The following RBPJ variants were observed in gnomAD, a reference collection of about 807,000 sequenced individuals.
RBPJ encodes recombination signal binding protein for immunoglobulin kappa J region, also known as recombining binding protein suppressor of hairless.
Under a neutral mutation model 67.8 loss-of-function variants are expected in RBPJ, and 9 were observed. That is an observed-to-expected ratio of 0.13 (90% CI 0.08 to 0.23). RBPJ has a LOEUF of 0.23. Ranked by LOEUF, RBPJ falls within the 10% of genes least tolerant of loss-of-function variation. The pLI, the probability that RBPJ is intolerant of heterozygous loss-of-function variation, is 1.00. For synonymous variants in RBPJ, 198 were observed against 203.3 expected, an observed-to-expected ratio of 0.97 and a Z score of 0.22; for missense variants, 305 against 595.6, an observed-to-expected ratio of 0.51 and a Z score of 5.08.
intron 1 of RBPJ, among the ~76,000 whole-genome samples, chr4:26,308,148 C>T (rs1219515731): frequency 2.6e-5 from 4 of 152,046 alleles, no homozygotes; most frequent in Non-Finnish European, 5.9e-5. Context: ...TGGTGGCGGG[C>T]GCCTGTAGTC....
chr4:26,391,985 T>G (rs1292212837), intron 2 of RBPJ, among the ~76,000 whole-genome samples: 2 of 152,240 alleles, frequency 1.3e-5, no homozygotes. Flanking sequence ...CTTCTTTATG[T>G]GTCCTCACAT....
chr4:26,185,316 T>G (rs1342996043), intron 1 of RBPJ, among the ~76,000 whole-genome samples: 1 of 152,076 alleles, frequency 6.6e-6, no homozygotes, highest in Admixed American at 6.6e-5. Context: ...CCTCTGCCTG[T>G]GTCAAATGGC....
chr4:26,320,629 C>G, upstream of RBPJ: 1 of 1,159,062 alleles, frequency 8.6e-7, no homozygotes, highest in Non-Finnish European at 1.2e-6. Context: ...CCCCTCCTCC[C>G]TTCTCCTCGG....
chr4:26,388,987 T>G (rs188095931), intron 2 of RBPJ, among the ~76,000 whole-genome samples: 1 of 152,072 alleles, frequency 6.6e-6, no homozygotes, highest in South Asian at 2.1e-4. Context: ...TTTGGGAAGC[T>G]GAGGCGGGCA....
intron 2 of RBPJ, among the ~76,000 whole-genome samples, chr4:26,388,203 C>T (rs1365375887): frequency 6.6e-6 from 1 of 151,968 alleles, no homozygotes; most frequent in African/African-American, 2.4e-5. Context: ...CACTATGTTG[C>T]CCAGGCTCAT....
intron 2 of RBPJ, among the ~76,000 whole-genome samples, chr4:26,397,928 C>T (rs901902699): frequency 1.4e-4 from 21 of 152,142 alleles, no homozygotes; most frequent in Non-Finnish European, 2.5e-4. Context: ...CCACCTTGCC[C>T]GGCATTGTAA....
chr4:26,296,495 G>A (rs964011300), intron 1 of RBPJ, among the ~76,000 whole-genome samples: 6 of 152,074 alleles, frequency 3.9e-5, no homozygotes, highest in African/African-American at 7.2e-5. Context: ...ACAATACTTA[G>A]GGCATTTATT....
chr4:26,210,662 TTTTC>T lies in RBPJ; in HGVS notation c.-167+47069_-167+47072del, dbSNP rs1049575904. Among the ~76,000 whole-genome samples, 17 of 30,056 alleles carry T rather than the reference TTTTC, an allele frequency of 5.7e-4. 1 individual carries two copies. In the South Asian group the frequency reaches 0.013, roughly 22 times the overall value. The allele number at this position is 30,056 out of a possible 152,430, so 19.7% of individuals were successfully genotyped here. A position where few individuals can be genotyped will look rare whatever the true frequency, so the allele number is the denominator to read the frequency against. The stretch of plus-strand genomic sequence containing the variant: ...AACCCTTAAGCCAGCTTTCTTTCTT[TTTTC>T]TTTCTTTCTTTCTTTCTTTCCTTTC... On this transcript the variant is annotated intron_variant, in intron 1 of 4. Transcript: ENST00000512351.
At chr4:26,392,216 C>T (rs1731580329) in intron 2 of RBPJ, among the ~76,000 whole-genome samples, 1 of 152,192 alleles carries the variant, frequency 6.6e-6, no homozygotes, top group Non-Finnish European at 1.5e-5. Flanking sequence ...CATACACTGG[C>T]AGTGGGTATA....
chr4:26,146,026 T>C, the RBPJ span, among the ~76,000 whole-genome samples: 1 of 152,202 alleles, frequency 6.6e-6, no homozygotes, highest in South Asian at 2.1e-4. Context: ...AGCCTTGACC[T>C]TCTGGGCTCA....
chr4:26,277,114 TAAAA>T (rs34364319), intron 1 of RBPJ, among the ~76,000 whole-genome samples: 1 of 137,146 alleles, frequency 7.3e-6, no homozygotes, highest in Non-Finnish European at 1.6e-5. Flanking sequence ...ACCCCATTTC[TAAAA>T]AAAAAAAAAA....
At chr4:26,400,813 G>A (rs1732698551) in intron 2 of RBPJ, among the ~76,000 whole-genome samples, 1 of 152,212 alleles carries the variant, frequency 6.6e-6, no homozygotes, top group Admixed American at 6.5e-5. Context: ...CATAAGCACT[G>A]TGAGGTCTTT....
At chr4:26,135,709 A>G in the RBPJ span, among the ~76,000 whole-genome samples, 3 of 152,136 alleles carry the variant, frequency 2.0e-5, no homozygotes, top group Non-Finnish European at 4.4e-5. Context: ...AGCTGTGAGG[A>G]GGAAGGGATG....
At chr4:26,202,824 G>A (rs1412924014) in intron 1 of RBPJ, among the ~76,000 whole-genome samples, 3 of 151,746 alleles carry the variant, frequency 2.0e-5, no homozygotes, top group Non-Finnish European at 2.9e-5. Context: ...CAGGAGAATC[G>A]CTTGAACCCA....
At chr4:26,156,787 G>A in the RBPJ span, among the ~76,000 whole-genome samples, 3 of 151,992 alleles carry the variant, frequency 2.0e-5, no homozygotes, top group African/African-American at 7.2e-5. Flanking sequence ...ACTAAATCCA[G>A]GGCCAGGCAC....
chr4:26,145,477 C>A, the RBPJ span, among the ~76,000 whole-genome samples: 2 of 152,198 alleles, frequency 1.3e-5, no homozygotes, highest in Non-Finnish European at 1.5e-5. Flanking sequence ...ATGCACTAAT[C>A]TTCGAGTCCA....
At chr4:26,121,875 T>C in the RBPJ span, among the ~76,000 whole-genome samples, 65 of 722 alleles carry the variant, frequency 0.09, no homozygotes, top group South Asian at 0.37. Context: ...GTATCTCTCT[T>C]TTTTTTTTTT....
chr4:26,340,857 C>CA (rs1275976785), intron 1 of RBPJ, among the ~76,000 whole-genome samples: 149 of 90,866 alleles, frequency 1.6e-3, no homozygotes, highest in South Asian at 0.011. Flanking sequence ...GACTCCGTCT[C>CA]AAAAAAAAAC....
chr4:26,376,573 A>G (rs185022772), intron 1 of RBPJ, among the ~76,000 whole-genome samples: 1 of 152,332 alleles, frequency 6.6e-6, no homozygotes, highest in African/African-American at 2.4e-5. Flanking sequence ...GGCTATTGTG[A>G]ATAATGGTAC....
Sources: gnomAD v4.1 joint callset for allele counts (sites outside exome capture counted in the v4.1 genomes callset) on GRCh38, gnomAD v4.1.1 for gene constraint, MANE v1.5 for transcripts, NCBI Gene and HGNC (gene_info 2026-07-23, HGNC 2026-07-21) for gene names.